Variants in XRCC4 observed in about 807,000 individuals in gnomAD.
XRCC4 encodes X-ray repair cross complementing 4.
Under a neutral mutation model 39.1 loss-of-function variants are expected in XRCC4, and 28 were observed. The observed-to-expected ratio is 0.72, with a 90% CI of 0.53 to 0.98. The LOEUF is 0.98. XRCC4 is among the 50% of genes least tolerant of loss of function. XRCC4 has a pLI of 0.00. For missense variants in XRCC4, 350 were observed against 376.4 expected, an observed-to-expected ratio of 0.93 and a Z score of 0.58; for synonymous variants, 123 against 126.4, an observed-to-expected ratio of 0.97 and a Z score of 0.18.
chr5:83,094,576 T>C (rs1275841176), intron 1 of XRCC4, among the ~76,000 whole-genome samples: 10 of 151,892 alleles, frequency 6.6e-5, no homozygotes, highest in Admixed American at 6.6e-4. Context: ...CTTCATCTCC[T>C]GGATATTCAT....
intron 7 of XRCC4, among the ~76,000 whole-genome samples, chr5:83,301,792 A>G (rs1414759059): frequency 1.3e-5 from 2 of 152,182 alleles, no homozygotes; most frequent in Non-Finnish European, 2.9e-5. Flanking sequence ...TTTTCTGAAT[A>G]TGGCTGGCCA....
At chr5:83,267,577 A>G (rs1222739445) in intron 7 of XRCC4, among the ~76,000 whole-genome samples, 1 of 152,156 alleles carries the variant, frequency 6.6e-6, no homozygotes, top group Non-Finnish European at 1.5e-5. Context: ...GCCATTTAAC[A>G]TTTAAGGAAA....
intron 6 of XRCC4, among the ~76,000 whole-genome samples, chr5:83,243,244 A>T (rs1752981396): frequency 6.6e-6 from 1 of 152,214 alleles, no homozygotes; most frequent in Non-Finnish European, 1.5e-5. Flanking sequence ...AGGAAAGATG[A>T]AAATATATTC....
At position 83,141,502 on chromosome 5, in the gene XRCC4, G is replaced by A. The variant is rs28360068; in HGVS notation, c.315+30299G>A. Among the ~76,000 whole-genome samples, 440 of 152,192 alleles carry A rather than the reference G, an allele frequency of 2.9e-3. 11 individuals carry two copies. The East Asian group carries it at 0.074, about 25-fold the overall frequency. On this transcript the variant is annotated intron_variant, in intron 3 of 7. Coordinates refer to ENST00000396027, the MANE Select transcript of XRCC4 (RefSeq NM_003401.5). ...TTTACTTTTTAATTTTCTTTTCTCTGATAGGTGAGAAATTATATCTCAGTG... is the reference window on the plus strand; with the variant it reads ...TTTACTTTTTAATTTTCTTTTCTCTAATAGGTGAGAAATTATATCTCAGTG...
At chr5:83,223,844 A>G (rs1312229056) in intron 6 of XRCC4, among the ~76,000 whole-genome samples, 1 of 88,050 alleles carries the variant, frequency 1.1e-5, no homozygotes, top group African/African-American at 4.7e-5. Flanking sequence ...CCCCCACCCC[A>G]TGACAGGCCC....
At chr5:83,131,679 T>A (rs1747591789) in intron 3 of XRCC4, among the ~76,000 whole-genome samples, 1 of 152,188 alleles carries the variant, frequency 6.6e-6, no homozygotes, top group Non-Finnish European at 1.5e-5. Context: ...AAGTCTGTTT[T>A]ATCAGAGACT....
chr5:83,103,008 T>C (rs1342799942), intron 1 of XRCC4, among the ~76,000 whole-genome samples: 2 of 15,740 alleles, frequency 1.3e-4, no homozygotes, highest in Non-Finnish European at 2.2e-4. Context: ...AAGATAGAGC[T>C]GATATATATA....
intron 3 of XRCC4, among the ~76,000 whole-genome samples, chr5:83,183,289 T>G (rs1418750669): frequency 1.3e-5 from 2 of 152,152 alleles, no homozygotes; most frequent in Non-Finnish European, 2.9e-5. Context: ...CTACACATTT[T>G]TTAATTTATA....
At chr5:83,204,482 G>C (rs1191667444) in intron 5 of XRCC4, among the ~76,000 whole-genome samples, 1 of 152,026 alleles carries the variant, frequency 6.6e-6, no homozygotes, top group African/African-American at 2.4e-5. Context: ...ACTGTTCTGA[G>C]ATTAGTAAAA....
chr5:83,374,462 C>T, the XRCC4 span, among the ~76,000 whole-genome samples: 1 of 152,150 alleles, frequency 6.6e-6, no homozygotes, highest in Non-Finnish European at 1.5e-5. Context: ...ACCTCTTTTT[C>T]TTTGTAAATT....
chr5:83,283,154 A>G (rs995274343), intron 7 of XRCC4, among the ~76,000 whole-genome samples: 2 of 152,196 alleles, frequency 1.3e-5, no homozygotes, highest in Non-Finnish European at 2.9e-5. Flanking sequence ...TTGGCATTCA[A>G]ATAATAGGTT....
intron 7 of XRCC4, among the ~76,000 whole-genome samples, chr5:83,321,462 A>G (rs1038274332): frequency 6.6e-5 from 10 of 152,152 alleles, no homozygotes; most frequent in South Asian, 4.1e-4. Flanking sequence ...TCTTACCCTC[A>G]TGGAAATACT....
intron 1 of XRCC4, among the ~76,000 whole-genome samples, chr5:83,100,521 C>T (rs1745880623): frequency 6.6e-6 from 1 of 151,974 alleles, no homozygotes; most frequent in Non-Finnish European, 1.5e-5. Context: ...AAACCAATTG[C>T]TATTTCACAG....
At chr5:83,276,695 C>G (rs956877670) in intron 7 of XRCC4, among the ~76,000 whole-genome samples, 1 of 152,002 alleles carries the variant, frequency 6.6e-6, no homozygotes, top group East Asian at 1.9e-4. Context: ...TATAAGTTAC[C>G]GTTTCCTATT....
intron 4 of XRCC4, among the ~76,000 whole-genome samples, chr5:83,202,360 T>C (rs776976507): frequency 4.6e-5 from 7 of 152,230 alleles, no homozygotes; most frequent in Non-Finnish European, 8.8e-5. Context: ...CTGTCTGCTT[T>C]CGTGGAGTTC....
intron 7 of XRCC4, among the ~76,000 whole-genome samples, chr5:83,301,079 C>A (rs962052525): frequency 6.6e-6 from 1 of 152,104 alleles, no homozygotes; most frequent in Non-Finnish European, 1.5e-5. Flanking sequence ...GATTTATAAT[C>A]CTTTGGGTAT....
At chr5:83,267,867 G>A (rs1249612791) in intron 7 of XRCC4, among the ~76,000 whole-genome samples, 1 of 152,162 alleles carries the variant, frequency 6.6e-6, no homozygotes, top group Non-Finnish European at 1.5e-5. Flanking sequence ...GAAAGATTGA[G>A]GACAAATGCC....
intron 2 of XRCC4, among the ~76,000 whole-genome samples, chr5:83,106,254 A>T (rs1044070914): frequency 1.6e-4 from 25 of 152,124 alleles, no homozygotes; most frequent in African/African-American, 6.0e-4. Flanking sequence ...TGAAGAGTGT[A>T]TAAGGCTAAA....
chr5:83,107,938 A>G (rs527418056), intron 2 of XRCC4, among the ~76,000 whole-genome samples: 2 of 152,008 alleles, frequency 1.3e-5, no homozygotes, highest in South Asian at 2.1e-4. Flanking sequence ...GAGCTCCAGT[A>G]CAAGCTTAGG....
Sources: allele counts gnomAD v4.1 joint callset (sites outside exome capture counted in the v4.1 genomes callset), GRCh38; gene constraint gnomAD v4.1.1; transcripts MANE v1.5; gene names NCBI Gene and HGNC (gene_info 2026-07-23, HGNC 2026-07-21).